The following MYO7B variants were observed in gnomAD, a reference collection of about 807,000 sequenced individuals.
MYO7B encodes the protein unconventional myosin-VIIb.
MYO7B carries 212 observed loss-of-function variants against 259.7 expected under a neutral mutation model. That is an observed-to-expected ratio of 0.82 (90% confidence interval 0.73 to 0.91). MYO7B has a LOEUF of 0.91. Ranked by LOEUF, MYO7B falls within the 40% of genes least tolerant of loss-of-function variation. MYO7B has a pLI of 0.00. For missense variants in MYO7B, 2,732 were observed against 2,813.5 expected (o/e 0.97, Z 0.66); for synonymous variants, 1,197 against 1,166.4 (o/e 1.03, Z -0.54).
At chr2:127,599,797 A>T (rs1679894490) in intron 19 of MYO7B, among the ~76,000 whole-genome samples, 1 of 152,178 alleles carries the variant, frequency 6.6e-6, no homozygotes, top group Non-Finnish European at 1.5e-5. Context: ...TTAGCCTTTC[A>T]ATGTGGTGAG....
At position 127,538,242 on chromosome 2, in the gene MYO7B, C is replaced by T. The variant is rs181768458; in HGVS notation, c.-24+2411C>T. On this transcript the variant is annotated intron_variant, in intron 1 of 47. Transcript: ENST00000409816. ...ACCAGTAAGGCTTGGGCACTGTTGG[C>T]GCCTGGCAGGGATGAAATACGGTTG... Among the ~76,000 whole-genome samples the T allele has an allele frequency of 9.1e-4, 138 of 151,886 alleles. 1 individual carries two copies. The highest frequency in any genetic ancestry group is 8.3e-3 in the Admixed American group (126 of 15,264).
At chr2:127,578,621 G>A (rs898459040) in intron 9 of MYO7B, among the ~76,000 whole-genome samples, 2 of 152,110 alleles carry the variant, frequency 1.3e-5, no homozygotes, top group Non-Finnish European at 2.9e-5. Context: ...GGGTGGTCTG[G>A]GGATTAAGTT....
chr2:127,537,675 G>C (rs1042201054), intron 1 of MYO7B, among the ~76,000 whole-genome samples: 1 of 151,948 alleles, frequency 6.6e-6, no homozygotes, highest in African/African-American at 2.4e-5. Context: ...GAAGGAATAG[G>C]AGGAGGAGGA....
rs535151097 is a variant in MYO7B at position 127,630,923 on chromosome 2, C to T, written c.4937+15C>T. 171 of 1,551,400 alleles carry T rather than the reference C, an allele frequency of 1.1e-4. 2 individuals carry two copies. In the South Asian group the frequency reaches 1.4e-3, roughly 12 times the overall value. On this transcript the variant is annotated intron_variant, in intron 36 of 47. Transcript: ENST00000409816. ...GAGTTCTTCAGGTGCCCCCCAGCCC[C>T]GCTCCGCCTCATTGCACCCCCACCT...
chr2:127,633,524 C>G (rs1299947869), intron 40 of MYO7B, among the ~76,000 whole-genome samples, 161 bp downstream of exon 40: 3 of 152,088 alleles, frequency 2.0e-5, no homozygotes, highest in Non-Finnish European at 4.4e-5. Context: ...GGATGCAGGC[C>G]CCACCTGCCC....
intron 43 of MYO7B, chr2:127,635,473 C>T: frequency 1.6e-6 from 1 of 626,066 alleles, no homozygotes; most frequent in East Asian, 2.7e-5. Context: ...GTCCTGTGAC[C>T]CATGGAGCAG....
intron 19 of MYO7B, among the ~76,000 whole-genome samples, chr2:127,603,303 A>C (rs1354133424): frequency 7.2e-5 from 11 of 152,214 alleles, no homozygotes; most frequent in Admixed American, 7.2e-4. Flanking sequence ...CAGATCTATT[A>C]GGAGAATTAC....
At position 127,630,698 on chromosome 2, in the gene MYO7B, C is replaced by T. The variant is rs953547034; in HGVS notation, c.4807-80C>T. On this transcript the variant is annotated intron_variant, in intron 35 of 47. Transcript: ENST00000409816. ...CCTGACCCCTCCCAAGTCACTGAGG[C>T]TGCCAGGCCGGGAGGAGCCTGCAGG... 5.1e-6 allele frequency: 8 copies of T among 1,577,742 alleles called. No individual in the cohort carries two copies. The South Asian group carries it at 9.3e-5, about 18-fold the overall frequency.
Position 127,636,485 on chromosome 2 carries a change from C to CT in MYO7B, c.6124-59dup. 6.5e-7 allele frequency: 1 copy of CT among 1,536,372 alleles called. No homozygotes were observed. On this transcript the variant is annotated intron_variant, in intron 45 of 47. Coordinates refer to ENST00000409816, the MANE Select transcript of MYO7B (RefSeq NM_001393586.1). This position sits in a 1 kb window ranked among gnomAD's most constrained non-coding sequence, Gnocchi z 4.5. ...ATGTGCGTGTGGCCTAGATGAGCTC[C>CT]TGGGAGGTGCAGCCTGGCCTCCCGG... is the stretch of plus-strand genomic sequence containing the variant.
Position 127,577,759 on chromosome 2 carries a change from C to G in MYO7B, c.850-374C>G, listed in dbSNP as rs1283717400. Among the ~76,000 whole-genome samples, 1 of 152,252 alleles carries G rather than the reference C, an allele frequency of 6.6e-6. No homozygotes were observed. Among genetic ancestry groups the G allele is most frequent in the Non-Finnish European group, 1.5e-5 (1 of 68,036 alleles). On this transcript the variant is annotated intron_variant, in intron 8 of 47. Coordinates refer to ENST00000409816, the MANE Select transcript of MYO7B (RefSeq NM_001393586.1). This position sits in a 1 kb window ranked among gnomAD's most constrained non-coding sequence, Gnocchi z 5.2. Reference sequence around the variant, plus strand: ...CCATGGCACGGTCACTGGCTCCCTGCCTGCCCCCCTGGATGCGCAGCACAG... The same window carrying G: ...CCATGGCACGGTCACTGGCTCCCTGGCTGCCCCCCTGGATGCGCAGCACAG...
At chr2:127,617,685 G>A (rs1406081490) in intron 26 of MYO7B, among the ~76,000 whole-genome samples, 157 of 149,746 alleles carry the variant, frequency 1.0e-3, no homozygotes, top group Non-Finnish European at 2.0e-3. Context: ...TGTATTTTTA[G>A]TAGAGACGGG....
intron 39 of MYO7B, 43 bp downstream of exon 39, chr2:127,632,444 G>C (rs781225922): frequency 4.0e-6 from 6 of 1,497,132 alleles, no homozygotes; most frequent in Non-Finnish European, 4.5e-6. Flanking sequence ...CCCTGGGCCC[G>C]CAGACCTGGG....
At position 127,627,910 on chromosome 2, in the gene MYO7B, CCCACTGG is replaced by C. The variant is rs1044618856; in HGVS notation, c.4461-457_4461-451del. On this transcript the variant is annotated intron_variant, in intron 33 of 47. Transcript: ENST00000409816. The surrounding 1 kb of genome is among the most constrained non-coding windows in gnomAD (Gnocchi z 5.6). ...GCCAGGTGTACAGTGGCCACCACTC[CCCACTGG>C]CCACCTCTCACTGAGGCTGACCATG... The C allele has an allele frequency of 2.2e-6, 1 of 459,586 alleles. No individual in the cohort carries two copies. The highest frequency in any genetic ancestry group is 2.0e-5 in the African/African-American group (1 of 50,232). The allele number at this position is 459,586 out of a possible 1,614,324, so 28.5% of individuals were successfully genotyped here.
intron 24 of MYO7B, 82 bp downstream of exon 24, chr2:127,610,098 A>T (rs745408480): frequency 3.3e-6 from 5 of 1,524,638 alleles, no homozygotes; most frequent in Non-Finnish European, 4.4e-6. Context: ...GCAGCTGGAC[A>T]GGACGGAGAG....
intron 19 of MYO7B, among the ~76,000 whole-genome samples, chr2:127,604,549 C>T (rs565065441): frequency 1.2e-3 from 177 of 152,288 alleles, no homozygotes; most frequent in African/African-American, 4.1e-3. Flanking sequence ...GTATTCACAA[C>T]GTGGCTGTTT....
Position 127,628,346 on chromosome 2 carries a change from C to T in MYO7B, c.4461-26C>T. On this transcript the variant is annotated intron_variant, in intron 33 of 47. Transcript: ENST00000409816. This position sits in a 1 kb window ranked among gnomAD's most constrained non-coding sequence, Gnocchi z 4.8. ...GATCAGGGGAAGGTGGAGGGGGCTC[C>T]TGGTCACGCTGTCCTTCATCTCCAG... 1.3e-6 allele frequency: 2 copies of T among 1,582,976 alleles called. No individual in the cohort carries two copies. Among genetic ancestry groups the T allele is most frequent in the Non-Finnish European group, 1.7e-6 (2 of 1,167,402 alleles).
chr2:127,557,654 C>T (rs6706355), intron 1 of MYO7B, among the ~76,000 whole-genome samples: 18,260 of 152,010 alleles, frequency 0.12, 1,679 homozygotes, highest in East Asian at 0.24. Context: ...GCATATAGAC[C>T]AATGGAACAA....
chr2:127,625,487 C>T lies in MYO7B; in HGVS notation c.4167C>T (p.Thr1389=). The T allele has an allele frequency of 6.2e-7, 1 of 1,611,404 alleles. No homozygotes were observed. Among genetic ancestry groups the T allele is most frequent in the Non-Finnish European group, 8.5e-7 (1 of 1,179,236 alleles). The stretch of plus-strand genomic sequence containing the variant: ...GCATCCCCCACAAGCTGTACAGGAC[C>T]AAGCCCCCAGACAGGTGGGCGAGCC... ...PSCIPHKLYR[T]KPPDRWASLV... Residue 1389 remains threonine (T), a synonymous_variant, in exon 31 of 48, where the codon ACC becomes ACT. Coordinates refer to ENST00000409816, the MANE Select transcript of MYO7B (RefSeq NM_001393586.1).
At chr2:127,634,994 G>C (rs549462628) in intron 42 of MYO7B, 126 bp from the exon 43 acceptor site, 49 of 755,552 alleles carry the variant, frequency 6.5e-5, no homozygotes, top group Non-Finnish European at 9.9e-5. Flanking sequence ...TGTGGGGACT[G>C]GGGAGGAAGA....
Sources: gnomAD v4.1 joint callset for allele counts (sites outside exome capture counted in the v4.1 genomes callset) on GRCh38, gnomAD v4.1.1 for gene constraint, Gnocchi (gnomAD v3.1) non-coding constraint, MANE v1.5 for transcripts, NCBI Gene and HGNC (gene_info 2026-07-23, HGNC 2026-07-21) for gene names.